Variants in PCDHGA1 observed in about 807,000 individuals in gnomAD.
PCDHGA1 encodes the protein protocadherin gamma-A1.
PCDHGA1 carries 32 observed loss-of-function variants against 58.0 expected under a neutral mutation model. That is an observed-to-expected ratio of 0.55 (90% CI 0.42 to 0.74). The LOEUF (loss-of-function observed/expected upper bound fraction) is 0.74, where lower values mean the gene tolerates loss of function less well. PCDHGA1 is among the 30% of genes least tolerant of loss of function. The probability of loss-of-function intolerance (pLI) is 0.00; values close to 1 mark genes in which losing one functional copy is unlikely to be tolerated. For synonymous variants in PCDHGA1, 498 were observed against 501.1 expected (o/e 0.99, Z 0.08); for missense variants, 1,205 against 1,182.3 (o/e 1.02, Z -0.28).
chr5:141,436,167 G>A (rs933669166), intron 1 of PCDHGA1, among the ~76,000 whole-genome samples: 2 of 152,088 alleles, frequency 1.3e-5, no homozygotes, highest in Non-Finnish European at 2.9e-5. Flanking sequence ...CATATGGACA[G>A]TTCTCATATA....
intron 1 of PCDHGA1, chr5:141,413,388 C>G (rs765673305): frequency 6.2e-7 from 1 of 1,613,894 alleles, no homozygotes; most frequent in African/African-American, 1.3e-5. Context: ...TCCGCATAGT[C>G]TCCAGAGGTA....
In PCDHGA1 at chr5:141,422,312, C is replaced by T; in HGVS notation, c.2422-72495C>T. On this transcript the variant is annotated intron_variant, in intron 1 of 3. Coordinates refer to ENST00000517417, the MANE Select transcript of PCDHGA1 (RefSeq NM_018912.3). ...ATTAATTCAATTCTGGAAAACTCTC[C>T]TCCAGGTACAGTGATTGCTCTTCTA... The T allele has an allele frequency of 1.9e-6, 3 of 1,547,444 alleles. No individual in the cohort carries two copies. Among genetic ancestry groups the T allele is most frequent in the Non-Finnish European group, 1.7e-6 (2 of 1,153,976 alleles).
At chr5:141,384,768 G>A (rs1046016115) in intron 1 of PCDHGA1, 20 of 1,613,804 alleles carry the variant, frequency 1.2e-5, no homozygotes, top group Non-Finnish European at 1.6e-5. Context: ...GGCTGTACAC[G>A]GGCGAGGTGC....
chr5:141,365,849 A>G (rs773114118), intron 1 of PCDHGA1: 49 of 1,613,994 alleles, frequency 3.0e-5, no homozygotes, highest in Middle Eastern at 3.3e-4. Flanking sequence ...CTATGTATCC[A>G]TTAACTCTGA....
intron 1 of PCDHGA1, chr5:141,419,409 A>G: frequency 6.2e-7 from 1 of 1,613,462 alleles, no homozygotes; most frequent in Non-Finnish European, 8.5e-7. Flanking sequence ...GTGTTCGCGC[A>G]GCGCGCCTTC....
chr5:141,432,300 T>G lies in PCDHGA1; in HGVS notation c.2422-62507T>G, dbSNP rs1280788604. ...TCCATCAACTCCGACACTGGGGTACTGTATGCGCTGAGCTCCTTCGACTAC... is the reference window on the plus strand; with the variant it reads ...TCCATCAACTCCGACACTGGGGTACGGTATGCGCTGAGCTCCTTCGACTAC... On this transcript the variant is annotated intron_variant, in intron 1 of 3. Transcript: ENST00000517417. The surrounding 1 kb of genome is among the most constrained non-coding windows in gnomAD (Gnocchi z 6.0). 1.9e-6 allele frequency: 3 copies of G among 1,614,158 alleles called. No homozygotes were observed. The highest frequency in any genetic ancestry group is 2.5e-6 in the Non-Finnish European group (3 of 1,180,056).
chr5:141,488,441 C>T (rs1320712074), intron 1 of PCDHGA1, among the ~76,000 whole-genome samples: 1 of 152,206 alleles, frequency 6.6e-6, no homozygotes, highest in Non-Finnish European at 1.5e-5. Flanking sequence ...TGACCACCCT[C>T]CTGGGTGACC....
At chr5:141,409,632 C>G (rs1279542488) in intron 1 of PCDHGA1, 1 of 1,613,848 alleles carries the variant, frequency 6.2e-7, no homozygotes, top group East Asian at 2.2e-5. Context: ...GTGAGCGCCT[C>G]TGACCCGGAT....
chr5:141,350,921 G>C, intron 1 of PCDHGA1: 3 of 1,614,062 alleles, frequency 1.9e-6, no homozygotes, highest in South Asian at 1.1e-5. Flanking sequence ...GCCTCTAAGC[G>C]GCACCACCCA....
chr5:141,405,056 T>A (rs770920034), intron 1 of PCDHGA1: 8 of 1,613,836 alleles, frequency 5.0e-6, no homozygotes, highest in Non-Finnish European at 6.8e-6. Context: ...AGTCGTCTCC[T>A]GTGTCTTCCT....
chr5:141,431,389 G>T lies in PCDHGA1; in HGVS notation c.2422-63418G>T, dbSNP rs1213370298. 1 of 1,613,876 alleles carries T rather than the reference G, an allele frequency of 6.2e-7. No homozygotes were observed. Among genetic ancestry groups the T allele is most frequent in the Admixed American group, 1.7e-5 (1 of 60,028 alleles). On this transcript the variant is annotated intron_variant, in intron 1 of 3. Transcript: ENST00000517417. This position sits in a 1 kb window ranked among gnomAD's most constrained non-coding sequence, Gnocchi z 4.8. ...GCGAAGAAAAGGCTGCTCACCACCT[G>T]GTCCTTACGGCCTCCGACGGGGGCG...
intron 1 of PCDHGA1, among the ~76,000 whole-genome samples, chr5:141,430,341 C>T (rs766664177): frequency 1.4e-4 from 21 of 149,938 alleles, no homozygotes; most frequent in Non-Finnish European, 2.8e-4. Context: ...TAGAAACTTC[C>T]AATTCATTTA....
chr5:141,400,037 G>A, intron 1 of PCDHGA1: 4 of 1,613,246 alleles, frequency 2.5e-6, no homozygotes, highest in African/African-American at 1.3e-5. Context: ...GCCCGCCAGC[G>A]CCTGCTGGTT....
chr5:141,404,517 A>G lies in PCDHGA1; in HGVS notation c.2421+71412A>G, dbSNP rs1268035794. On this transcript the variant is annotated intron_variant, in intron 1 of 3. Transcript: ENST00000517417. The stretch of plus-strand genomic sequence containing the variant: ...CTGTATGCTCTGTGCTCCTTTGACT[A>G]TGAGCAGTTTAGAGATTTGCAAATG... 5 of 1,613,938 alleles carry G rather than the reference A, an allele frequency of 3.1e-6. No homozygotes were observed. Among genetic ancestry groups the G allele is most frequent in the Non-Finnish European group, 3.4e-6 (4 of 1,179,844 alleles).
intron 1 of PCDHGA1, among the ~76,000 whole-genome samples, chr5:141,484,764 A>G (rs1469048336): frequency 6.6e-6 from 1 of 151,806 alleles, no homozygotes; most frequent in African/African-American, 2.4e-5. Flanking sequence ...ATATATATAT[A>G]TGTTGTCTGC....
At chr5:141,430,915 G>A (rs565034370) in intron 1 of PCDHGA1, 2 of 1,607,738 alleles carry the variant, frequency 1.2e-6, no homozygotes, top group East Asian at 4.5e-5. Context: ...CCAGGGACCT[G>A]GGGCTGGAGC....
chr5:141,391,912 T>C (rs1370313040), intron 1 of PCDHGA1: 1 of 152,228 alleles, frequency 6.6e-6, no homozygotes, highest in Non-Finnish European at 1.5e-5. Context: ...CTTTTTATCA[T>C]ATATTCATCT....
At chr5:141,459,814 T>C (rs757306281) in intron 1 of PCDHGA1, among the ~76,000 whole-genome samples, 1 of 152,256 alleles carries the variant, frequency 6.6e-6, no homozygotes, top group African/African-American at 2.4e-5. Flanking sequence ...CTAGAGACAC[T>C]GAGCAACTTT....
Position 141,335,487 on chromosome 5 carries a change from A to G in PCDHGA1, c.2421+2382A>G, listed in dbSNP as rs573002700. On this transcript the variant is annotated intron_variant, in intron 1 of 3. Transcript: ENST00000517417. ...CAGATGATCAAAAGGATATAAAAAT[A>G]TAAGCTTCTATTACTGAAAAATATA... Among the ~76,000 whole-genome samples the G allele has an allele frequency of 1.4e-4, 21 of 152,314 alleles. 1 individual carries two copies. The highest frequency in any genetic ancestry group is 4.6e-4 in the Admixed American group (7 of 15,308).
Sources: gnomAD v4.1 joint callset for allele counts (sites outside exome capture counted in the v4.1 genomes callset) on GRCh38, gnomAD v4.1.1 for gene constraint, Gnocchi (gnomAD v3.1) non-coding constraint, MANE v1.5 for transcripts, NCBI Gene and HGNC (gene_info 2026-07-23, HGNC 2026-07-21) for gene names.